Variants in VMP1 observed in about 807,000 individuals in gnomAD.
VMP1 encodes the protein vacuole membrane protein 1.
A neutral mutation model predicts 56.0 loss-of-function variants in VMP1; 11 were observed. The ratio of observed to expected loss-of-function variants is 0.20; its 90% CI spans 0.12 to 0.32. The LOEUF (loss-of-function observed/expected upper bound fraction) is 0.32. Ranked by LOEUF, VMP1 falls within the 10% of genes least tolerant of loss-of-function variation. The pLI is 1.00. For synonymous variants in VMP1, 149 were observed against 165.0 expected (o/e 0.90, Z 0.74); for missense variants, 296 against 490.3 (o/e 0.60, Z 3.74).
chr17:59,775,537 G>A (rs1179210100), intron 7 of VMP1, among the ~76,000 whole-genome samples: 1 of 149,868 alleles, frequency 6.7e-6, no homozygotes, highest in Middle Eastern at 3.4e-3. Context: ...GCCCAGGCTG[G>A]CCTCAAACTC....
chr17:59,781,685 C>T (rs17581553), intron 7 of VMP1, among the ~76,000 whole-genome samples: 204 of 152,072 alleles, frequency 1.3e-3, no homozygotes, highest in South Asian at 5.2e-3. Context: ...TTTGCTATAA[C>T]GGGTTTTTTT....
chr17:59,768,108 TC>T (rs1446629597), intron 6 of VMP1, among the ~76,000 whole-genome samples: 1 of 113,856 alleles, frequency 8.8e-6, no homozygotes, highest in African/African-American at 5.3e-5. Flanking sequence ...AGACTCCATC[TC>T]AAAAAAAAAA....
intron 5 of VMP1, among the ~76,000 whole-genome samples, chr17:59,757,784 G>A (rs1887004728): frequency 6.8e-6 from 1 of 147,910 alleles, no homozygotes; most frequent in African/African-American, 2.5e-5. Context: ...AAATAACCAA[G>A]CTATCTTGTT....
Position 59,773,841 on chromosome 17 carries a change from T to C in VMP1, c.670T>C (p.Tyr224His), listed in dbSNP as rs2036524664. 6.2e-7 allele frequency: 1 copy of C among 1,612,908 alleles called. No individual in the cohort carries two copies. ...LSGAEPDDEE[Y>H]QEFEEMLEHA... ...AGGTGCTGAACCAGATGATGAAGAG[T>C]ATCAGGAATTTGAAGAGATGCTGGA... The change falls in exon 7 of 12, where the codon TAT becomes CAT. Residue 224 changes from tyrosine to histidine, a missense_variant. Coordinates refer to ENST00000262291, the MANE Select transcript of VMP1 (RefSeq NM_030938.5).
chr17:59,837,117 C>T (rs999165423), intron 10 of VMP1, among the ~76,000 whole-genome samples: 6 of 151,714 alleles, frequency 4.0e-5, no homozygotes, highest in Non-Finnish European at 7.4e-5. Context: ...GCAGGAGAAT[C>T]ACTTGAACCC....
At chr17:59,715,387 C>T (rs548636029) in intron 1 of VMP1, among the ~76,000 whole-genome samples, 1 of 152,222 alleles carries the variant, frequency 6.6e-6, no homozygotes, top group South Asian at 2.1e-4. Context: ...ACCTTCTTCA[C>T]AAGGCAGCAG....
Position 59,841,219 on chromosome 17 carries a change from C to T in VMP1, c.*1308C>T, listed in dbSNP as rs761498169. 3.1e-5 allele frequency: 14 copies of T among 454,332 alleles called. No individual in the cohort carries two copies. The highest frequency in any genetic ancestry group is 9.7e-6 in the Non-Finnish European group (2 of 207,216). 28.1% of individuals were successfully genotyped at this position (454,332 alleles called of 1,614,324 possible). A position where few individuals can be genotyped will look rare whatever the true frequency, so the allele number is the denominator to read the frequency against. On this transcript the variant is annotated 3_prime_UTR_variant, in exon 12 of 12. Transcript: ENST00000262291. ...TTTTTATCAAATCCTGCCTGACTGT[C>T]TGCTTGTTTTGCCTACCATCGTGAC...
intron 7 of VMP1, among the ~76,000 whole-genome samples, chr17:59,777,865 T>C (rs954325694): frequency 6.8e-6 from 1 of 148,124 alleles, no homozygotes; most frequent in Non-Finnish European, 1.5e-5. Context: ...AAAAAACAAA[T>C]AAAGTGTACT....
At chr17:59,809,667 C>T (rs1006383977) in intron 8 of VMP1, among the ~76,000 whole-genome samples, 8 of 150,610 alleles carry the variant, frequency 5.3e-5, no homozygotes, top group African/African-American at 1.2e-4. Flanking sequence ...CCACTACGCC[C>T]GGCTAATTTT....
intron 9 of VMP1, among the ~76,000 whole-genome samples, chr17:59,813,938 A>G (rs1470208116): frequency 6.6e-6 from 1 of 151,216 alleles, no homozygotes; most frequent in Non-Finnish European, 1.5e-5. Flanking sequence ...TAAAACTAGT[A>G]TATATTTAAA....
At chr17:59,720,888 G>T (rs189691858) in intron 1 of VMP1, among the ~76,000 whole-genome samples, 1 of 151,862 alleles carries the variant, frequency 6.6e-6, no homozygotes, top group African/African-American at 2.4e-5. Context: ...CAGGAGAATC[G>T]CTTGAACCCG....
At chr17:59,826,329 C>T (rs902829204) in intron 10 of VMP1, among the ~76,000 whole-genome samples, 3 of 152,124 alleles carry the variant, frequency 2.0e-5, no homozygotes, top group Non-Finnish European at 4.4e-5. Context: ...TGGAAGTTAC[C>T]GTTGACCATT....
intron 6 of VMP1, among the ~76,000 whole-genome samples, chr17:59,772,293 T>G (rs1256772930): frequency 5.3e-5 from 8 of 151,818 alleles, no homozygotes; most frequent in Admixed American, 3.9e-4. Context: ...GCCTGGACTC[T>G]TTTTCAAAAT....
At chr17:59,730,300 C>G (rs2034776801) in intron 1 of VMP1, among the ~76,000 whole-genome samples, 1 of 151,832 alleles carries the variant, frequency 6.6e-6, no homozygotes, top group Non-Finnish European at 1.5e-5. Flanking sequence ...CAGGGTCTCC[C>G]TTTTGCCCAG....
At chr17:59,724,579 G>A (rs1437264034) in intron 1 of VMP1, among the ~76,000 whole-genome samples, 1 of 152,204 alleles carries the variant, frequency 6.6e-6, no homozygotes, top group Non-Finnish European at 1.5e-5. Flanking sequence ...GGCTGAGACA[G>A]GAGGATTGTT....
intron 6 of VMP1, among the ~76,000 whole-genome samples, chr17:59,772,276 C>G (rs2036455443): frequency 6.6e-6 from 1 of 151,616 alleles, no homozygotes; most frequent in Non-Finnish European, 1.5e-5. Flanking sequence ...CAGGCGTGAG[C>G]CACTGTGCCT....
intron 7 of VMP1, among the ~76,000 whole-genome samples, chr17:59,801,112 ATG>A (rs71145573): frequency 0.21 from 22,511 of 108,954 alleles, 3,643 homozygotes; most frequent in South Asian, 0.37. Flanking sequence ...ATATATATAT[ATG>A]TGTGTGTGTG....
At chr17:59,825,569 C>T (rs994578645) in intron 10 of VMP1, among the ~76,000 whole-genome samples, 4 of 152,114 alleles carry the variant, frequency 2.6e-5, no homozygotes, top group African/African-American at 4.8e-5. Context: ...GCATATGACT[C>T]GCAGCAAACC....
rs183267371 is a variant in VMP1, at chr17:59,734,548, C to T, written c.77-790C>T. ...AGGAGTTTCAGATGAGCCCAGGCAA[C>T]GTAGTGAGACTGTGTCTCCACAAAA... is the stretch of plus-strand genomic sequence containing the variant. On this transcript the variant is annotated intron_variant, in intron 2 of 11. Coordinates refer to ENST00000262291, the MANE Select transcript of VMP1 (RefSeq NM_030938.5). Among the ~76,000 whole-genome samples the T allele has an allele frequency of 1.4e-3, 216 of 152,214 alleles. 6 individuals carry two copies. Among genetic ancestry groups the T allele is most frequent in the Admixed American group, 9.4e-3 (143 of 15,290 alleles).
Sources: allele counts gnomAD v4.1 joint callset (sites outside exome capture counted in the v4.1 genomes callset), GRCh38; gene constraint gnomAD v4.1.1; transcripts MANE v1.5; gene names NCBI Gene and HGNC (gene_info 2026-07-23, HGNC 2026-07-21).